The following TGIF1 variants were observed in gnomAD, a reference collection of about 807,000 sequenced individuals.
TGIF1 encodes the protein homeobox protein TGIF1.
TGIF1 carries 4 observed loss-of-function variants against 19.3 expected under a neutral mutation model. The observed-to-expected ratio is 0.21, with a 90% confidence interval of 0.10 to 0.47. The LOEUF (loss-of-function observed/expected upper bound fraction) is 0.47. Ranked by LOEUF, TGIF1 falls within the 20% of genes least tolerant of loss-of-function variation. The pLI is 0.98. For missense variants in TGIF1, 275 were observed against 341.4 expected (o/e 0.81, Z 1.53); for synonymous variants, 122 against 129.3 (o/e 0.94, Z 0.38).
At chr18:3,453,851 T>A in intron 1 of TGIF1, 1 of 985,148 alleles carries the variant, frequency 1.0e-6, no homozygotes, top group Non-Finnish European at 1.2e-6. Flanking sequence ...CCACATTTTT[T>A]AAAGTGTAAG....
At chr18:3,445,643 G>A (rs2082731636), upstream of TGIF1, among the ~76,000 whole-genome samples, 1 of 137,232 alleles carries the variant, frequency 7.3e-6, no homozygotes, top group Admixed American at 8.4e-5. Context: ...AGAATGGCGT[G>A]AACCCAGGAG....
chr18:3,433,832 T>C (rs906177156), intron 2 of TGIF1, among the ~76,000 whole-genome samples: 2 of 152,200 alleles, frequency 1.3e-5, no homozygotes, highest in African/African-American at 4.8e-5. Context: ...CAAGTGAATA[T>C]ACTTAATGCC....
Position 3,422,673 on chromosome 18 carries a change from CT to C in TGIF1, c.-45+4493del, listed in dbSNP as rs869116407. ...ATGTTAAGTGCCCTATATAGGTGGC[CT>C]TTTTTTTTTTTTTTTTTTTTTTTTT... On this transcript the variant is annotated intron_variant, in intron 2 of 3. Coordinates refer to the TGIF1 transcript ENST00000401449. Among the ~76,000 whole-genome samples the C allele has an allele frequency of 4.5e-3, 112 of 24,656 alleles. 11 individuals carry two copies. The highest frequency in any genetic ancestry group is 7.9e-3 in the African/African-American group (109 of 13,776). The allele number at this position is 24,656 out of a possible 152,430, so 16.2% of individuals were successfully genotyped here.
At position 3,451,622 on chromosome 18, in the gene TGIF1, G is replaced by C. The variant is rs2082937569; in HGVS notation, c.16+1117G>C. On this transcript the variant is annotated intron_variant, in intron 1 of 2. Transcript: ENST00000343820. This position sits in a 1 kb window ranked among gnomAD's most constrained non-coding sequence, Gnocchi z 5.4. ...TCTTTCAGACCCGGCCCGCTGCGGG[G>C]CGTTCCTGGGGGGTAGCCTCAAGGC... 9.2e-7 allele frequency: 1 copy of C among 1,092,232 alleles called. No homozygotes were observed. Among genetic ancestry groups the C allele is most frequent in the Admixed American group, 5.0e-5 (1 of 19,856 alleles). The allele number at this position is 1,092,232 out of a possible 1,614,324, so 67.7% of individuals were successfully genotyped here.
At chr18:3,455,433 G>T (rs1468986167) in intron 1 of TGIF1, 2 of 152,176 alleles carry the variant, frequency 1.3e-5, no homozygotes, top group Admixed American at 6.5e-5. Flanking sequence ...ACAGCCAAAA[G>T]AGCTTCCTCT....
chr18:3,443,281 T>G (rs927101944), intron 2 of TGIF1, among the ~76,000 whole-genome samples: 1 of 152,154 alleles, frequency 6.6e-6, no homozygotes, highest in Non-Finnish European at 1.5e-5. Flanking sequence ...ACTAAGAAAA[T>G]AAATGAAAAA....
chr18:3,448,355 CG>C (rs1279402426), upstream of TGIF1: 1 of 1,007,066 alleles, frequency 9.9e-7, no homozygotes, highest in Non-Finnish European at 1.2e-6. Context: ...AATAGCGAGG[CG>C]GCCCCCTCTA....
At chr18:3,445,206 G>A (rs1343018505), upstream of TGIF1, among the ~76,000 whole-genome samples, 2 of 152,156 alleles carry the variant, frequency 1.3e-5, no homozygotes, top group Non-Finnish European at 2.9e-5. Context: ...TAACATTTAG[G>A]CCTAGCCTTG....
At chr18:3,452,280 A>G in intron 1 of TGIF1, 1 of 1,610,808 alleles carries the variant, frequency 6.2e-7, no homozygotes, top group Non-Finnish European at 8.5e-7. Context: ...GCTGGGGACC[A>G]AGGCTGGGCC....
chr18:3,426,916 CTTTTTTTTTT>C (rs545236407), intron 2 of TGIF1, among the ~76,000 whole-genome samples: 3 of 100,088 alleles, frequency 3.0e-5, no homozygotes, highest in African/African-American at 8.0e-5. Flanking sequence ...AGGATGATCT[CTTTTTTTTTT>C]TTTTTTTTTT....
chr18:3,442,307 T>C (rs1198750046), intron 2 of TGIF1, among the ~76,000 whole-genome samples: 1 of 152,146 alleles, frequency 6.6e-6, no homozygotes, highest in African/African-American at 2.4e-5. Flanking sequence ...AATGGAAATG[T>C]GGATGAATTA....
chr18:3,449,598 G>A (rs1348859305), upstream of TGIF1: 8 of 984,530 alleles, frequency 8.1e-6, no homozygotes, highest in Non-Finnish European at 9.6e-6. Flanking sequence ...AGCCCCGGGA[G>A]GAGAAGGGTG....
rs913066390 is a variant in TGIF1 at position 3,436,369 on chromosome 18, A to T, written c.-45+18154A>T. 2.6e-5 allele frequency among the ~76,000 whole-genome samples: 4 copies of T among 152,322 alleles called. No individual in the cohort carries two copies. In the Middle Eastern group the frequency reaches 0.01, roughly 389 times the overall value. On this transcript the variant is annotated intron_variant, in intron 2 of 3. Transcript: ENST00000401449. ...AGCATTATTTACATTTTGGCTGACA[A>T]ATAGTCAAACTTTATCCAGCAGATG... is the stretch of plus-strand genomic sequence containing the variant.
chr18:3,443,972 T>C (rs2082707686), intron 2 of TGIF1, among the ~76,000 whole-genome samples: 1 of 151,514 alleles, frequency 6.6e-6, no homozygotes, highest in Non-Finnish European at 1.5e-5. Context: ...TCTAGCTCTT[T>C]CACCCAGGCT....
intron 2 of TGIF1, among the ~76,000 whole-genome samples, chr18:3,431,873 G>A (rs1272896373): frequency 6.6e-6 from 1 of 152,178 alleles, no homozygotes; most frequent in Admixed American, 6.5e-5. Context: ...GCTCACGCCT[G>A]TAATCCCAGC....
rs1467092222 is a variant in TGIF1, at chr18:3,456,780, A to G, written c.243+200A>G. The G allele has an allele frequency of 4.1e-5, 28 of 683,036 alleles. No homozygotes were observed. The highest frequency in any genetic ancestry group is 6.7e-5 in the Admixed American group (3 of 45,094). The allele number at this position is 683,036 out of a possible 1,614,324, so 42.3% of individuals were successfully genotyped here. The stretch of plus-strand genomic sequence containing the variant: ...AACACTTGACAGTCATCTATCAGAT[A>G]GCATTTCCTTTAATGCCTAAAAGAA... On this transcript the variant is annotated intron_variant, in intron 2 of 2. Coordinates refer to ENST00000343820, the MANE Select transcript of TGIF1 (RefSeq NM_003244.4). This position sits in a 1 kb window ranked among gnomAD's most constrained non-coding sequence, Gnocchi z 4.2.
chr18:3,453,707 A>T, intron 1 of TGIF1: 1 of 668,104 alleles, frequency 1.5e-6, no homozygotes, highest in Non-Finnish European at 1.8e-6. Flanking sequence ...AAAAAAAAAA[A>T]AGAACGTGCA....
In TGIF1 at chr18:3,458,311, A is replaced by G. The variant is rs1436965878; in HGVS notation, c.*371A>G. The G allele has an allele frequency of 5.2e-6, 1 of 191,588 alleles. No homozygotes were observed. Among genetic ancestry groups the G allele is most frequent in the Non-Finnish European group, 1.1e-5 (1 of 92,966 alleles). 11.9% of individuals were successfully genotyped at this position (191,588 alleles called of 1,614,324 possible). On this transcript the variant is annotated 3_prime_UTR_variant, in exon 3 of 3. Coordinates refer to ENST00000343820, the MANE Select transcript of TGIF1 (RefSeq NM_003244.4). ...CCCATGTGGAACAGGATGCCCACATACTGTCTAATTAATAAATTTTCCATT... is the reference window on the plus strand; with the variant it reads ...CCCATGTGGAACAGGATGCCCACATGCTGTCTAATTAATAAATTTTCCATT...
chr18:3,452,160 C>A (rs1225200165), intron 1 of TGIF1: 2 of 1,613,732 alleles, frequency 1.2e-6, no homozygotes, highest in African/African-American at 1.3e-5. Flanking sequence ...GGCCTACCTT[C>A]CCCCAGCGCC....
Sources: allele counts gnomAD v4.1 joint callset (sites outside exome capture counted in the v4.1 genomes callset), GRCh38; gene constraint gnomAD v4.1.1; non-coding constraint Gnocchi (gnomAD v3.1); transcripts MANE v1.5; gene names NCBI Gene and HGNC (gene_info 2026-07-23, HGNC 2026-07-21).